Variants in MAP3K4 observed in about 807,000 individuals in gnomAD.
MAP3K4 encodes mitogen-activated protein kinase kinase kinase 4.
Under a neutral mutation model 185.6 loss-of-function variants are expected in MAP3K4, and 67 were observed. That is an observed-to-expected ratio of 0.36 (90% CI 0.30 to 0.44). The LOEUF is 0.44. Among genes scored for constraint, MAP3K4 ranks in the 20% least tolerant of loss-of-function variants. MAP3K4 has a pLI of 1.00. For missense variants in MAP3K4, 1,551 were observed against 1,995.1 expected (o/e 0.78, Z 4.24); for synonymous variants, 702 against 710.4 (o/e 0.99, Z 0.19).
intron 2 of MAP3K4, among the ~76,000 whole-genome samples, chr6:161,047,203 G>A (rs1350885727): frequency 6.7e-6 from 1 of 148,872 alleles, no homozygotes; most frequent in Non-Finnish European, 1.5e-5. Context: ...CACTTTGGGA[G>A]ACAGAGGTGG....
intron 1 of MAP3K4, among the ~76,000 whole-genome samples, chr6:161,014,364 C>T (rs1781984837): frequency 6.6e-6 from 1 of 152,160 alleles, no homozygotes; most frequent in South Asian, 2.1e-4. Context: ...CTTATTTCCC[C>T]TTGTTTTAAT....
intron 6 of MAP3K4, among the ~76,000 whole-genome samples, chr6:161,083,928 A>G (rs1785578187): frequency 6.6e-6 from 1 of 152,180 alleles, no homozygotes; most frequent in Admixed American, 6.5e-5. Flanking sequence ...CTCTGTTACT[A>G]GATCCTAAGT....
At chr6:161,001,001 AAT>A (rs1781270991) in intron 1 of MAP3K4, among the ~76,000 whole-genome samples, 1 of 123,826 alleles carries the variant, frequency 8.1e-6, no homozygotes. Flanking sequence ...TATATATTAT[AAT>A]ATACACATAT....
Position 161,007,957 on chromosome 6 carries a change from A to T in MAP3K4, c.152+15874A>T, listed in dbSNP as rs571938302. On this transcript the variant is annotated intron_variant, in intron 1 of 26. Coordinates refer to ENST00000392142, the MANE Select transcript of MAP3K4 (RefSeq NM_005922.4). The surrounding 1 kb of genome is among the most constrained non-coding windows in gnomAD (Gnocchi z 4.5). ...AAAACGTGTGTTTTAAAATCAGTGA[A>T]GTATGGCCTTGACTCTTGCTTCTAA... 6.6e-6 allele frequency among the ~76,000 whole-genome samples: 1 copy of T among 152,224 alleles called. No individual in the cohort carries two copies. Among genetic ancestry groups the T allele is most frequent in the Admixed American group, 6.5e-5 (1 of 15,288 alleles).
Position 161,003,858 on chromosome 6 carries a change from A to G in MAP3K4, c.152+11775A>G, listed in dbSNP as rs9295133. Among the ~76,000 whole-genome samples the G allele has an allele frequency of 7.3e-3, 1,104 of 152,188 alleles. 7 individuals carry two copies. Among genetic ancestry groups the G allele is most frequent in the Non-Finnish European group, 0.011 (727 of 67,974 alleles). ...AAATTTTTTTAAACAAAATATTCAT[A>G]TAAACATAAGGATTCTATTTTCAAG... On this transcript the variant is annotated intron_variant, in intron 1 of 26. Coordinates refer to ENST00000392142, the MANE Select transcript of MAP3K4 (RefSeq NM_005922.4).
Position 161,056,796 on chromosome 6 carries a change from T to G in MAP3K4, c.1707+6817T>G, listed in dbSNP as rs533485417. ...GAGGTGGTATCATACTTTTGTAATTTAATTAGATTCATTTATTTCATCTGC... is the reference window on the plus strand; with the variant it reads ...GAGGTGGTATCATACTTTTGTAATTGAATTAGATTCATTTATTTCATCTGC... On this transcript the variant is annotated intron_variant, in intron 3 of 26. Transcript: ENST00000392142. The surrounding 1 kb of genome is among the most constrained non-coding windows in gnomAD (Gnocchi z 5.4). Among the ~76,000 whole-genome samples, 38 of 152,352 alleles carry G rather than the reference T, an allele frequency of 2.5e-4. No homozygotes were observed. The highest frequency in any genetic ancestry group is 1.3e-3 in the Admixed American group (20 of 15,312).
rs184820368 is a variant in MAP3K4 at position 161,096,135 on chromosome 6, A to G, written c.3428-945A>G. 5.1e-4 allele frequency among the ~76,000 whole-genome samples: 78 copies of G among 152,264 alleles called. No homozygotes were observed. Among genetic ancestry groups the G allele is most frequent in the Non-Finnish European group, 9.1e-4 (62 of 68,018 alleles). ...ATTGCCTGAGGGTTTTTTGTTAACA[A>G]TCCCTTAAGTTTTGTTTTGTAAGTT... is the stretch of plus-strand genomic sequence containing the variant. On this transcript the variant is annotated intron_variant, in intron 15 of 26. Coordinates refer to ENST00000392142, the MANE Select transcript of MAP3K4 (RefSeq NM_005922.4). This position sits in a 1 kb window ranked among gnomAD's most constrained non-coding sequence, Gnocchi z 4.9.
intron 1 of MAP3K4, among the ~76,000 whole-genome samples, chr6:161,006,615 T>C (rs1162279958): frequency 1.3e-5 from 2 of 152,208 alleles, no homozygotes; most frequent in Non-Finnish European, 2.9e-5. Flanking sequence ...AGGATGGCTG[T>C]ACTTATCTGC....
intron 1 of MAP3K4, chr6:160,992,393 T>C (rs879355599): frequency 3.3e-5 from 14 of 424,716 alleles, no homozygotes; most frequent in Admixed American, 1.8e-4. Flanking sequence ...TGCGGCTGCC[T>C]CCCCTGCCGC....
At chr6:161,012,453 TGTAAG>T (rs1219838267) in intron 1 of MAP3K4, among the ~76,000 whole-genome samples, 7 of 152,172 alleles carry the variant, frequency 4.6e-5, no homozygotes, top group South Asian at 4.1e-4. Context: ...TTGGAAAAGA[TGTAAG>T]GTAATAGAAA....
rs1385959028 is a variant in MAP3K4, at chr6:161,091,318, A to T, written c.2974-61A>T. 1.5e-6 allele frequency: 2 copies of T among 1,377,480 alleles called. No homozygotes were observed. Among genetic ancestry groups the T allele is most frequent in the Non-Finnish European group, 2.0e-6 (2 of 1,014,250 alleles). 85.3% of individuals were successfully genotyped at this position (1,377,480 alleles called of 1,614,324 possible). On this transcript the variant is annotated intron_variant, in intron 11 of 26. Transcript: ENST00000392142. The surrounding 1 kb of genome is among the most constrained non-coding windows in gnomAD (Gnocchi z 5.5). ...GATGATGAACGAAATCTTCCTTTAAAATGTGGTAAGTATTGTATGATTTGC... is the reference window on the plus strand; with the variant it reads ...GATGATGAACGAAATCTTCCTTTAATATGTGGTAAGTATTGTATGATTTGC...
Position 161,043,498 on chromosome 6 carries a change from G to A in MAP3K4, c.344-5118G>A, listed in dbSNP as rs886528821. On this transcript the variant is annotated intron_variant, in intron 2 of 26. Transcript: ENST00000392142. This position sits in a 1 kb window ranked among gnomAD's most constrained non-coding sequence, Gnocchi z 4.3. The stretch of plus-strand genomic sequence containing the variant: ...CCTTTGACAAGTCCAAGGATGGTGT[G>A]GTGGCACCAACTTGGGCTAGGACCC... Among the ~76,000 whole-genome samples, 1 of 152,150 alleles carries A rather than the reference G, an allele frequency of 6.6e-6. No individual in the cohort carries two copies. Among genetic ancestry groups the A allele is most frequent in the African/African-American group, 2.4e-5 (1 of 41,438 alleles).
intron 17 of MAP3K4, among the ~76,000 whole-genome samples, chr6:161,099,504 A>G (rs1028077246): frequency 6.6e-6 from 1 of 152,236 alleles, no homozygotes; most frequent in African/African-American, 2.4e-5. Context: ...ACAAATTCCC[A>G]TTTAGCTTCC....
Position 161,048,200 on chromosome 6 carries a change from T to C in MAP3K4, c.344-416T>C, listed in dbSNP as rs1783825621. On this transcript the variant is annotated intron_variant, in intron 2 of 26. Transcript: ENST00000392142. This position sits in a 1 kb window ranked among gnomAD's most constrained non-coding sequence, Gnocchi z 4.7. ...CGTGATTTCCTCTTAAGTTTACACA[T>C]TTAGCTAATGACAAATGCAGGAATT... 2 of 527,590 alleles carry C rather than the reference T, an allele frequency of 3.8e-6. No homozygotes were observed. Among genetic ancestry groups the C allele is most frequent in the Non-Finnish European group, 7.7e-6 (2 of 258,888 alleles). The allele number at this position is 527,590 out of a possible 1,614,324, so 32.7% of individuals were successfully genotyped here.
At chr6:161,033,385 G>C (rs1008624645) in intron 1 of MAP3K4, among the ~76,000 whole-genome samples, 3 of 152,128 alleles carry the variant, frequency 2.0e-5, no homozygotes, top group African/African-American at 7.2e-5. Context: ...TGTTAGCTTT[G>C]AGAAATTGAA....
At chr6:161,036,383 T>G (rs1414064959) in intron 2 of MAP3K4, among the ~76,000 whole-genome samples, 1 of 152,152 alleles carries the variant, frequency 6.6e-6, no homozygotes, top group Admixed American at 6.5e-5. Context: ...AAAGATTATG[T>G]GTTTGTTGCA....
At position 161,077,406 on chromosome 6, in the gene MAP3K4, AT is replaced by A. The variant is rs900616548; in HGVS notation, c.2098-3468del. Among the ~76,000 whole-genome samples, 1 of 152,196 alleles carries A rather than the reference AT, an allele frequency of 6.6e-6. No homozygotes were observed. The highest frequency in any genetic ancestry group is 1.5e-5 in the Non-Finnish European group (1 of 68,034). On this transcript the variant is annotated intron_variant, in intron 5 of 26. Transcript: ENST00000392142. This position sits in a 1 kb window ranked among gnomAD's most constrained non-coding sequence, Gnocchi z 4.3. Reference sequence around the variant, plus strand: ...TGATACTTGTAGAATACTTTTTAGAATTTTTTTAGCCTCTTTGCTTTTTAAC... The same window carrying A: ...TGATACTTGTAGAATACTTTTTAGAATTTTTTAGCCTCTTTGCTTTTTAAC...
Position 161,096,991 on chromosome 6 carries a change from GAC to G in MAP3K4, c.3428-87_3428-86del, listed in dbSNP as rs1043861214. On this transcript the variant is annotated intron_variant, in intron 15 of 26. Transcript: ENST00000392142. The surrounding 1 kb of genome is among the most constrained non-coding windows in gnomAD (Gnocchi z 4.9). ...ACCTTGGTCATTGGCCAGAATAAGTGACATTCTATTTTCCATTTGACTGTTTG... is the reference window on the plus strand; with the variant it reads ...ACCTTGGTCATTGGCCAGAATAAGTGATTCTATTTTCCATTTGACTGTTTG... The G allele has an allele frequency of 1.6e-5, 16 of 1,031,932 alleles. No individual in the cohort carries two copies. In the African/African-American group the frequency reaches 1.9e-4, roughly 12 times the overall value. 63.9% of individuals were successfully genotyped at this position (1,031,932 alleles called of 1,614,324 possible).
At chr6:161,024,262 C>G (rs1480186265) in intron 1 of MAP3K4, among the ~76,000 whole-genome samples, 1 of 152,146 alleles carries the variant, frequency 6.6e-6, no homozygotes, top group Admixed American at 6.6e-5. Context: ...AGCCGCCACA[C>G]CCAGCCCCTA....
Sources: gnomAD v4.1 joint callset for allele counts (sites outside exome capture counted in the v4.1 genomes callset) on GRCh38, gnomAD v4.1.1 for gene constraint, Gnocchi (gnomAD v3.1) non-coding constraint, MANE v1.5 for transcripts, NCBI Gene and HGNC (gene_info 2026-07-23, HGNC 2026-07-21) for gene names.